The following CYTH3 variants were observed in gnomAD, a reference collection of about 807,000 sequenced individuals.
The protein encoded by CYTH3 is cytohesin 3.
CYTH3 carries 23 observed loss-of-function variants against 55.1 expected under a neutral mutation model. The observed-to-expected ratio is 0.42, with a 90% CI of 0.30 to 0.59. The LOEUF is 0.59. Ranked by LOEUF, CYTH3 falls within the 20% of genes least tolerant of loss-of-function variation. CYTH3 has a pLI of 0.20. For synonymous variants in CYTH3, 249 were observed against 194.9 expected, an observed-to-expected ratio of 1.28 and a Z score of -2.31; for missense variants, 413 against 524.8, an observed-to-expected ratio of 0.79 and a Z score of 2.08.
intron 1 of CYTH3, among the ~76,000 whole-genome samples, chr7:6,240,292 C>CAA (rs60884841): frequency 0.03 from 1,804 of 60,236 alleles, 76 homozygotes; most frequent in African/African-American, 0.078. Flanking sequence ...GACTCCATCT[C>CAA]AAAAAAAAAA....
chr7:6,271,145 T>C (rs1374731313), intron 1 of CYTH3, among the ~76,000 whole-genome samples: 3 of 152,068 alleles, frequency 2.0e-5, no homozygotes, highest in Non-Finnish European at 2.9e-5. Context: ...GCGCCTTCGT[T>C]CCACAGCGCT....
intron 1 of CYTH3, among the ~76,000 whole-genome samples, chr7:6,198,491 G>A (rs557319199): frequency 1.3e-5 from 2 of 152,316 alleles, no homozygotes; most frequent in African/African-American, 2.4e-5. Flanking sequence ...GATAAGCAAT[G>A]TTCAGAGAAG....
At chr7:6,181,135 GTTCC>G (rs946953382) in intron 4 of CYTH3, among the ~76,000 whole-genome samples, 7 of 151,964 alleles carry the variant, frequency 4.6e-5, no homozygotes, top group East Asian at 1.9e-4. Flanking sequence ...AACCTTAGCT[GTTCC>G]TTCCTTCCTT....
intron 1 of CYTH3, among the ~76,000 whole-genome samples, chr7:6,248,369 A>G (rs1239416454): frequency 1.3e-5 from 2 of 151,944 alleles, no homozygotes; most frequent in African/African-American, 4.8e-5. Flanking sequence ...TATAAACTGC[A>G]CTGCCTATTC....
intron 1 of CYTH3, among the ~76,000 whole-genome samples, chr7:6,268,477 G>GT (rs1780567311): frequency 6.6e-6 from 1 of 152,128 alleles, no homozygotes; most frequent in South Asian, 2.1e-4. Flanking sequence ...GCCTGCTCTT[G>GT]TAACTTAAGA....
At chr7:6,226,465 G>A (rs926648628) in intron 1 of CYTH3, among the ~76,000 whole-genome samples, 4 of 152,166 alleles carry the variant, frequency 2.6e-5, no homozygotes, top group Non-Finnish European at 5.9e-5. Flanking sequence ...ATTTTAGGGC[G>A]AGGCAGGCAA....
intron 1 of CYTH3, among the ~76,000 whole-genome samples, chr7:6,200,766 G>C (rs763029332): frequency 1.3e-5 from 2 of 152,096 alleles, no homozygotes; most frequent in African/African-American, 4.8e-5. Flanking sequence ...ATTTAAACTG[G>C]TTATTTTGAG....
chr7:6,172,443 C>A (rs2128538079), intron 6 of CYTH3, among the ~76,000 whole-genome samples: 2 of 152,272 alleles, frequency 1.3e-5, no homozygotes, highest in Admixed American at 1.3e-4. Context: ...CCTGCCCACC[C>A]CACAGCAGTG....
chr7:6,257,695 C>G (rs181338042), intron 1 of CYTH3, among the ~76,000 whole-genome samples: 1 of 152,258 alleles, frequency 6.6e-6, no homozygotes, highest in Admixed American at 6.5e-5. Context: ...CACTCTATGG[C>G]GAGGAGATCC....
At chr7:6,272,410 GACCCCC>G in intron 1 of CYTH3, 58 bp downstream of exon 1, 1 of 1,216,616 alleles carries the variant, frequency 8.2e-7, no homozygotes, top group Non-Finnish European at 1.1e-6. Context: ...CCGCGCCCTC[GACCCCC>G]AGCCCCCGGC....
chr7:6,268,780 GA>G (rs1391839355), intron 1 of CYTH3, among the ~76,000 whole-genome samples: 1 of 152,188 alleles, frequency 6.6e-6, no homozygotes, highest in East Asian at 1.9e-4. Flanking sequence ...CAGAGAAACA[GA>G]GACATCCAGA....
chr7:6,174,433 T>C (rs189625661), intron 5 of CYTH3, among the ~76,000 whole-genome samples: 3 of 151,812 alleles, frequency 2.0e-5, no homozygotes, highest in African/African-American at 7.3e-5. Flanking sequence ...TTATATCTTA[T>C]CAGCAATGAA....
intron 1 of CYTH3, among the ~76,000 whole-genome samples, chr7:6,204,369 A>T (rs899377691): frequency 6.6e-5 from 10 of 152,204 alleles, no homozygotes; most frequent in Admixed American, 5.2e-4. Context: ...GCTCAAAATT[A>T]CATCTCCAGA....
rs531930079 is a variant in CYTH3 at position 6,240,809 on chromosome 7, T to C, written c.34+31665A>G. Among the ~76,000 whole-genome samples the C allele has an allele frequency of 7.1e-4, 108 of 152,142 alleles. 2 individuals carry two copies. The highest frequency in any genetic ancestry group is 8.2e-4 in the Non-Finnish European group (56 of 67,980). On this transcript the variant is annotated intron_variant, in intron 1 of 12. Transcript: ENST00000350796. ...TCCATTCTAAGTGTGACTCATAATT[T>C]AGGTGTGAAAAAAGAAAAAAAGGAG...
intron 1 of CYTH3, among the ~76,000 whole-genome samples, chr7:6,267,685 G>A (rs757703787): frequency 9.9e-5 from 15 of 152,190 alleles, no homozygotes; most frequent in East Asian, 3.9e-4. Flanking sequence ...CACTATGCCC[G>A]GCTAATTTTT....
intron 1 of CYTH3, among the ~76,000 whole-genome samples, chr7:6,265,260 T>C (rs1164705505): frequency 6.6e-6 from 1 of 151,544 alleles, no homozygotes; most frequent in Non-Finnish European, 1.5e-5. Flanking sequence ...AAAAGACTTG[T>C]GACAGAGATC....
chr7:6,255,592 C>T (rs574661513), intron 1 of CYTH3, among the ~76,000 whole-genome samples: 2 of 152,098 alleles, frequency 1.3e-5, no homozygotes, highest in East Asian at 3.9e-4. Context: ...CTGCAGTAGT[C>T]CTGGGGGTCC....
At position 6,164,899 on chromosome 7, in the gene CYTH3, T is replaced by G. The variant is rs1465449435; in HGVS notation, c.*45A>C. ...GCGGAGGGGCCGCCCGCGGTGTCTT[T>G]CTGCTGGGGTTGGGTCTTTTACCTG... On this transcript the variant is annotated 3_prime_UTR_variant, in exon 13 of 13. Coordinates refer to ENST00000350796, the MANE Select transcript of CYTH3 (RefSeq NM_004227.4). The G allele has an allele frequency of 6.2e-7, 1 of 1,611,504 alleles. No individual in the cohort carries two copies. Among genetic ancestry groups the G allele is most frequent in the African/African-American group, 1.3e-5 (1 of 74,850 alleles).
intron 4 of CYTH3, among the ~76,000 whole-genome samples, chr7:6,181,180 T>TA (rs1325987123): frequency 2.0e-5 from 3 of 152,246 alleles, no homozygotes; most frequent in African/African-American, 7.2e-5. Context: ...AATACTGACA[T>TA]AAATTTGGAC....
Sources: allele counts gnomAD v4.1 joint callset (sites outside exome capture counted in the v4.1 genomes callset), GRCh38; gene constraint gnomAD v4.1.1; transcripts MANE v1.5; gene names NCBI Gene and HGNC (gene_info 2026-07-23, HGNC 2026-07-21).